FKBP1B: variants seen among roughly 807,000 people sequenced by gnomAD.
FKBP1B encodes the protein FKBP prolyl isomerase 1B, also known as peptidyl-prolyl cis-trans isomerase FKBP1B.
A neutral mutation model predicts 13.5 loss-of-function variants in FKBP1B; 4 were observed. That is an observed-to-expected ratio of 0.30 (90% CI 0.15 to 0.68). The LOEUF (loss-of-function observed/expected upper bound fraction) is 0.68, where lower values mean the gene tolerates loss of function less well. Ranked by LOEUF, FKBP1B falls within the 30% of genes least tolerant of loss-of-function variation. The pLI is 0.76. For synonymous variants in FKBP1B, 54 were observed against 53.6 expected (o/e 1.01, Z -0.03); for missense variants, 93 against 136.2 (o/e 0.68, Z 1.58).
chr2:24,034,263 A>C, the FKBP1B span, among the ~76,000 whole-genome samples: 48 of 152,210 alleles, frequency 3.2e-4, no homozygotes, highest in Non-Finnish European at 2.9e-4. Context: ...TCTACTATAA[A>C]TACAAAAATT....
chr2:24,061,845 A>G (rs569683913), intron 3 of FKBP1B, among the ~76,000 whole-genome samples: 2 of 152,214 alleles, frequency 1.3e-5, no homozygotes, highest in East Asian at 1.9e-4. Flanking sequence ...GTGAAGTCCT[A>G]TGATGCTCCC....
intron 1 of FKBP1B, 82 bp from the exon 2 acceptor site, chr2:24,053,820 G>A: frequency 7.5e-7 from 1 of 1,341,376 alleles, no homozygotes; most frequent in Non-Finnish European, 1.1e-6. Flanking sequence ...GCAGGCTGGA[G>A]CTCTTGGTCA....
chr2:24,053,438 A>G (rs1005407933), intron 1 of FKBP1B, among the ~76,000 whole-genome samples: 4 of 151,818 alleles, frequency 2.6e-5, no homozygotes, highest in East Asian at 1.9e-4. Context: ...CTCTCAGCAA[A>G]TATTTGTAAA....
the FKBP1B span, chr2:24,033,271 C>T: frequency 2.1e-6 from 1 of 468,074 alleles, no homozygotes; most frequent in South Asian, 1.7e-5. Context: ...AGAACACCTT[C>T]TTGGCTGTTT....
the FKBP1B span, among the ~76,000 whole-genome samples, chr2:24,041,611 G>C: frequency 1.6e-3 from 237 of 152,104 alleles, no homozygotes; most frequent in African/African-American, 4.4e-3. Flanking sequence ...CCAGCACTTT[G>C]GGAGGCCCAG....
chr2:24,039,682 C>A, the FKBP1B span, among the ~76,000 whole-genome samples: 10,667 of 152,142 alleles, frequency 0.07, 1,231 homozygotes, highest in African/African-American at 0.24. Context: ...CAGGCAAATG[C>A]AATGTATATA....
chr2:24,063,476 T>TAATG lies in FKBP1B; in HGVS notation c.*284_*285insAATG. The TAATG allele has an allele frequency of 5.7e-6, 2 of 350,520 alleles. No individual in the cohort carries two copies. The highest frequency in any genetic ancestry group is 8.0e-5 in the South Asian group (1 of 12,436). The allele number at this position is 350,520 out of a possible 1,614,324, so 21.7% of individuals were successfully genotyped here. A position where few individuals can be genotyped will look rare whatever the true frequency, so the allele number is the denominator to read the frequency against. ...TCCTGATGACAGAACACAGATCTCT[T>TAATG]GTTCGCACAATCTACACTGCCTTAC... On this transcript the variant is annotated 3_prime_UTR_variant, in exon 4 of 4. Coordinates refer to ENST00000380986, the MANE Select transcript of FKBP1B (RefSeq NM_004116.5).
At chr2:24,061,014 C>A in intron 3 of FKBP1B, 88 bp downstream of exon 3, 1 of 950,784 alleles carries the variant, frequency 1.1e-6, no homozygotes, top group Non-Finnish European at 1.7e-6. Flanking sequence ...TTCACCCACT[C>A]ACAGACCACT....
chr2:24,041,852 C>G, the FKBP1B span, among the ~76,000 whole-genome samples: 1 of 69,626 alleles, frequency 1.4e-5, no homozygotes, highest in South Asian at 5.8e-4. Flanking sequence ...AAGTGAAACT[C>G]TGTCTCAAAA....
chr2:24,059,533 AG>A lies in FKBP1B; in HGVS notation c.86-1279del, dbSNP rs139649855. 7.3e-3 allele frequency among the ~76,000 whole-genome samples: 1,109 copies of A among 152,284 alleles called. 8 individuals are homozygous for A. The highest frequency in any genetic ancestry group is 0.026 in the African/African-American group (1,072 of 41,542). On this transcript the variant is annotated intron_variant, in intron 2 of 3. Coordinates refer to ENST00000380986, the MANE Select transcript of FKBP1B (RefSeq NM_004116.5). The stretch of plus-strand genomic sequence containing the variant: ...TAGGAAACCTTAGGAACCTTATGCG[AG>A]GACTCAACCTGAGGCTGGAATAGCT...
upstream of FKBP1B, among the ~76,000 whole-genome samples, chr2:24,048,600 G>A (rs961087198): frequency 6.6e-6 from 1 of 151,816 alleles, no homozygotes; most frequent in African/African-American, 2.4e-5. Context: ...TTACAGGTGT[G>A]AGCCATTGTT....
the FKBP1B span, chr2:24,039,520 G>A: frequency 6.3e-7 from 1 of 1,598,984 alleles, no homozygotes; most frequent in Middle Eastern, 1.7e-4. Context: ...TACCTGAAAT[G>A]ATTAAGAAGG....
At chr2:24,056,805 C>T (rs1353681579) in intron 2 of FKBP1B, among the ~76,000 whole-genome samples, 1 of 152,142 alleles carries the variant, frequency 6.6e-6, no homozygotes, top group Non-Finnish European at 1.5e-5. Context: ...ATTCTCCTGC[C>T]TCAGCCTCCT....
intron 1 of FKBP1B, among the ~76,000 whole-genome samples, chr2:24,053,260 C>T (rs551106026): frequency 1.4e-4 from 21 of 149,336 alleles, no homozygotes; most frequent in Admixed American, 2.7e-4. Context: ...TATAGGTATG[C>T]GGCACCACAC....
At chr2:24,044,130 G>A in the FKBP1B span, among the ~76,000 whole-genome samples, 1 of 152,128 alleles carries the variant, frequency 6.6e-6, no homozygotes, top group Non-Finnish European at 1.5e-5. Context: ...AATTCCTAAT[G>A]GGCCAATTAC....
chr2:24,056,986 C>T (rs990016976), intron 2 of FKBP1B, among the ~76,000 whole-genome samples: 22 of 152,192 alleles, frequency 1.4e-4, no homozygotes, highest in Admixed American at 4.6e-4. Context: ...CCATGGTGCC[C>T]GGCCGGTTGT....
the FKBP1B span, among the ~76,000 whole-genome samples, chr2:24,035,841 C>A: frequency 6.6e-6 from 1 of 151,602 alleles, no homozygotes; most frequent in African/African-American, 2.4e-5. Context: ...GAGGCCAAGG[C>A]GGGCAGATCA....
chr2:24,034,516 C>T, the FKBP1B span, among the ~76,000 whole-genome samples: 6 of 151,580 alleles, frequency 4.0e-5, no homozygotes, highest in African/African-American at 1.5e-4. Flanking sequence ...CTGACAACAG[C>T]TTGGTTGGAT....
At chr2:24,038,629 T>G in the FKBP1B span, 1 of 1,614,202 alleles carries the variant, frequency 6.2e-7, no homozygotes. Context: ...TTGATTGAAA[T>G]GTATGTGAGT....
Sources: allele counts gnomAD v4.1 joint callset (sites outside exome capture counted in the v4.1 genomes callset), GRCh38; gene constraint gnomAD v4.1.1; transcripts MANE v1.5; gene names NCBI Gene and HGNC (gene_info 2026-07-23, HGNC 2026-07-21).